Variants in ESR1 observed in about 807,000 individuals in gnomAD.
ESR1 encodes estrogen receptor 1.
Under a neutral mutation model 52.7 loss-of-function variants are expected in ESR1, and 12 were observed. The observed-to-expected ratio is 0.23, with a 90% CI of 0.15 to 0.37. ESR1 has a LOEUF of 0.37. Ranked by LOEUF, ESR1 falls within the 10% of genes least tolerant of loss-of-function variation. The probability of loss-of-function intolerance (pLI) is 1.00; values close to 1 mark genes in which losing one functional copy is unlikely to be tolerated. For synonymous variants in ESR1, 305 were observed against 316.8 expected (o/e 0.96, Z 0.39); for missense variants, 584 against 779.7 (o/e 0.75, Z 2.99).
chr6:151,707,615 T>A (rs977959515), intron 2 of ESR1, among the ~76,000 whole-genome samples: 6 of 152,158 alleles, frequency 3.9e-5, no homozygotes, highest in Non-Finnish European at 8.8e-5. Context: ...TAACAAGGAT[T>A]GTGGTCCACC....
chr6:151,984,414 C>A (rs1387038391), intron 4 of ESR1, among the ~76,000 whole-genome samples: 1 of 152,066 alleles, frequency 6.6e-6, no homozygotes, highest in Non-Finnish European at 1.5e-5. Flanking sequence ...ATTGGAGAAC[C>A]AAACACTAGC....
Position 152,053,987 on chromosome 6 carries a change from C to CAT in ESR1, c.1236-7001_1236-7000dup, listed in dbSNP as rs2046900344. Among the ~76,000 whole-genome samples, 1 of 151,856 alleles carries CAT rather than the reference C, an allele frequency of 6.6e-6. No homozygotes were observed. The highest frequency in any genetic ancestry group is 2.1e-4 in the South Asian group (1 of 4,812). ...TGCCTATAATCAGAGCAGTTAAATA[C>CAT]ATATGAACACAGTGAAATACCAGGC... On this transcript the variant is annotated intron_variant, in intron 5 of 7. Coordinates refer to ENST00000206249, the MANE Select transcript of ESR1 (RefSeq NM_000125.4). This position sits in a 1 kb window ranked among gnomAD's most constrained non-coding sequence, Gnocchi z 4.1.
At chr6:151,864,896 C>T (rs946224073) in intron 2 of ESR1, among the ~76,000 whole-genome samples, 1 of 130,462 alleles carries the variant, frequency 7.7e-6, no homozygotes, top group Non-Finnish European at 1.5e-5. Flanking sequence ...AATAAGAACA[C>T]TTGGACACAG....
chr6:152,114,890 CAAAAAAAA>C (rs60553265), intron 6 of ESR1, among the ~76,000 whole-genome samples: 1 of 41,190 alleles, frequency 2.4e-5, no homozygotes, highest in South Asian at 1.5e-3. Flanking sequence ...GACTCCGTCT[CAAAAAAAA>C]AAAAAAAAAA....
intron 2 of ESR1, among the ~76,000 whole-genome samples, chr6:151,853,108 G>A (rs1298617137): frequency 1.5e-5 from 2 of 136,166 alleles, no homozygotes; most frequent in Non-Finnish European, 3.1e-5. Flanking sequence ...AGAGGTGGAG[G>A]TTGTAGTGAG....
chr6:151,958,963 A>G (rs1346905865), intron 4 of ESR1, among the ~76,000 whole-genome samples: 1 of 128,504 alleles, frequency 7.8e-6, no homozygotes, highest in Non-Finnish European at 1.6e-5. Context: ...ATTGGAAGAG[A>G]AAAAGTTTCC....
chr6:151,686,826 A>G (rs11963534), upstream of ESR1, among the ~76,000 whole-genome samples: 3,143 of 152,288 alleles, frequency 0.021, 118 homozygotes, highest in African/African-American at 0.072. Context: ...GCCCTTGGAT[A>G]CCTGGTAATA....
intron 1 of ESR1, among the ~76,000 whole-genome samples, chr6:151,664,588 G>A (rs78700586): frequency 0.016 from 2,403 of 152,214 alleles, 63 homozygotes; most frequent in African/African-American, 0.053. Context: ...AAAGGTCAAC[G>A]ATTGAACACC....
intron 2 of ESR1, among the ~76,000 whole-genome samples, chr6:151,730,035 G>T (rs1324514031): frequency 6.6e-6 from 1 of 152,188 alleles, no homozygotes; most frequent in Non-Finnish European, 1.5e-5. Flanking sequence ...GCTAGTCATT[G>T]CTTCCTTCTT....
intron 2 of ESR1, among the ~76,000 whole-genome samples, chr6:151,757,006 A>G (rs2128088911): frequency 6.6e-6 from 1 of 152,312 alleles, no homozygotes; most frequent in African/African-American, 2.4e-5. Context: ...AATAAATAAA[A>G]TAAAAATTAA....
upstream of ESR1, among the ~76,000 whole-genome samples, chr6:151,802,115 G>T (rs1196675275): frequency 2.0e-5 from 3 of 152,138 alleles, no homozygotes; most frequent in Non-Finnish European, 4.4e-5. Context: ...TCATCAAATG[G>T]TATGCTTTAG....
rs556297486 is a variant in ESR1, at chr6:151,832,436, C to T, written c.453-10161C>T. ...AATAAATACATACAAAATTGCATAG[C>T]AATTAGAAATACCCAGGAGGTATGT... On this transcript the variant is annotated intron_variant, in intron 1 of 7. Coordinates refer to ENST00000206249, the MANE Select transcript of ESR1 (RefSeq NM_000125.4). Among the ~76,000 whole-genome samples the T allele has an allele frequency of 5.3e-5, 8 of 152,226 alleles. 1 individual carries two copies. The South Asian group carries it at 1.7e-3, about 32-fold the overall frequency.
At chr6:151,878,225 G>A (rs566953084) in intron 2 of ESR1, among the ~76,000 whole-genome samples, 84 of 152,180 alleles carry the variant, frequency 5.5e-4, no homozygotes, top group Admixed American at 1.2e-3. Flanking sequence ...TACACTTTTT[G>A]CTTGCAGTTA....
intron 3 of ESR1, among the ~76,000 whole-genome samples, chr6:151,923,901 T>C (rs1409975067): frequency 6.6e-6 from 1 of 152,216 alleles, no homozygotes; most frequent in East Asian, 1.9e-4. Flanking sequence ...TCTTCCAAAA[T>C]AGCTGTACCA....
At chr6:151,929,765 G>A (rs1269070207) in intron 3 of ESR1, among the ~76,000 whole-genome samples, 1 of 151,952 alleles carries the variant, frequency 6.6e-6, no homozygotes, top group Non-Finnish European at 1.5e-5. Context: ...ATATAGTTTG[G>A]TCTTTCTTAA....
intron 4 of ESR1, among the ~76,000 whole-genome samples, chr6:151,987,392 G>T (rs560652900): frequency 1.3e-5 from 2 of 152,220 alleles, no homozygotes; most frequent in South Asian, 2.1e-4. Context: ...CTGACTGGCA[G>T]GGACTACAGG....
chr6:151,971,384 A>C (rs1199755810), intron 4 of ESR1, among the ~76,000 whole-genome samples: 1 of 151,960 alleles, frequency 6.6e-6, no homozygotes, highest in Non-Finnish European at 1.5e-5. Flanking sequence ...CCATTGTATC[A>C]TTCTTATGCC....
chr6:151,974,212 A>T (rs1225985752), intron 4 of ESR1, among the ~76,000 whole-genome samples: 1 of 152,202 alleles, frequency 6.6e-6, no homozygotes, highest in Non-Finnish European at 1.5e-5. Context: ...AAATGAACAA[A>T]CTGATGACAC....
Position 152,109,704 on chromosome 6 carries a change from A to T in ESR1, c.851-15562A>T, listed in dbSNP as rs186204124. Among the ~76,000 whole-genome samples, 3 of 152,308 alleles carry T rather than the reference A, an allele frequency of 2.0e-5. No homozygotes were observed. In the East Asian group the frequency reaches 5.8e-4, roughly 29 times the overall value. Reference sequence around the variant, plus strand: ...TCTGTCTCAAACGATAACAACAACAACAAAAACAGTTGCAATATTTGTGAA... The same window carrying T: ...TCTGTCTCAAACGATAACAACAACATCAAAAACAGTTGCAATATTTGTGAA... On this transcript the variant is annotated intron_variant, in intron 6 of 6. Coordinates refer to the ESR1 transcript ENST00000427531.
Sources: allele counts gnomAD v4.1 joint callset (sites outside exome capture counted in the v4.1 genomes callset), GRCh38; gene constraint gnomAD v4.1.1; non-coding constraint Gnocchi (gnomAD v3.1); transcripts MANE v1.5; gene names NCBI Gene and HGNC (gene_info 2026-07-23, HGNC 2026-07-21).